The following KCNH8 variants were observed in gnomAD, a reference collection of about 807,000 sequenced individuals.
The protein encoded by KCNH8 is potassium voltage-gated channel subfamily H member 8.
Under a neutral mutation model 103.6 loss-of-function variants are expected in KCNH8, and 70 were observed. The ratio of observed to expected loss-of-function variants is 0.68; its 90% CI spans 0.56 to 0.82. The LOEUF (loss-of-function observed/expected upper bound fraction) is 0.82, where lower values mean the gene tolerates loss of function less well. KCNH8 is among the 40% of genes least tolerant of loss of function. The pLI, the probability that KCNH8 is intolerant of heterozygous loss-of-function variation, is 0.00. For synonymous variants in KCNH8, 498 were observed against 489.4 expected (o/e 1.02, Z -0.23); for missense variants, 1,217 against 1,329.9 (o/e 0.92, Z 1.32).
chr3:19,245,577 C>T (rs1261333454), intron 1 of KCNH8, among the ~76,000 whole-genome samples: 1 of 152,096 alleles, frequency 6.6e-6, no homozygotes, highest in African/African-American at 2.4e-5. Flanking sequence ...TTTTTCAATC[C>T]ATGAGCATGG....
intron 3 of KCNH8, among the ~76,000 whole-genome samples, chr3:19,332,378 A>G (rs984850396): frequency 2.0e-5 from 3 of 152,184 alleles, no homozygotes; most frequent in Non-Finnish European, 4.4e-5. Context: ...TCCACTGGAC[A>G]TAATGCCCTG....
At chr3:19,215,814 G>A (rs2063812824) in intron 1 of KCNH8, among the ~76,000 whole-genome samples, 1 of 152,214 alleles carries the variant, frequency 6.6e-6, no homozygotes, top group South Asian at 2.1e-4. Context: ...ACGTCAGAAA[G>A]GTGATTACAC....
chr3:19,355,887 T>C (rs1468911138), intron 5 of KCNH8, among the ~76,000 whole-genome samples: 1 of 150,244 alleles, frequency 6.7e-6, no homozygotes, highest in East Asian at 2.0e-4. Context: ...TATAATAAAA[T>C]ATATATATAT....
intron 7 of KCNH8, among the ~76,000 whole-genome samples, chr3:19,402,652 C>G (rs1038994856): frequency 6.6e-6 from 1 of 151,932 alleles, no homozygotes; most frequent in African/African-American, 2.4e-5. Context: ...TTCGTGTTCT[C>G]CACGATACTG....
chr3:19,431,930 A>AT (rs1353659947), intron 7 of KCNH8, among the ~76,000 whole-genome samples: 1 of 151,344 alleles, frequency 6.6e-6, no homozygotes, highest in Non-Finnish European at 1.5e-5. Flanking sequence ...TATTTTATTA[A>AT]TTTTTTCAAA....
intron 5 of KCNH8, among the ~76,000 whole-genome samples, chr3:19,376,206 C>T (rs181408956): frequency 0.022 from 3,338 of 152,288 alleles, 65 homozygotes; most frequent in Non-Finnish European, 0.035. Flanking sequence ...GCCTCGCTGC[C>T]GCCTTGCAGT....
chr3:19,234,177 A>G (rs1003395675), intron 1 of KCNH8, among the ~76,000 whole-genome samples: 1 of 152,164 alleles, frequency 6.6e-6, no homozygotes, highest in Non-Finnish European at 1.5e-5. Context: ...CTAGACACAA[A>G]GGTTCTCCAC....
chr3:19,156,349 G>A (rs1209845023), intron 1 of KCNH8, among the ~76,000 whole-genome samples: 2 of 152,100 alleles, frequency 1.3e-5, no homozygotes, highest in Non-Finnish European at 2.9e-5. Context: ...ATATCATACT[G>A]CCTCTAAAAT....
At chr3:19,350,541 G>A (rs373854062) in intron 5 of KCNH8, among the ~76,000 whole-genome samples, 31 of 152,226 alleles carry the variant, frequency 2.0e-4, no homozygotes, top group East Asian at 7.8e-4. Context: ...CCAGAGGAAG[G>A]ATCAGGCAGC....
At chr3:19,357,589 G>C (rs909600547) in intron 5 of KCNH8, among the ~76,000 whole-genome samples, 3 of 151,660 alleles carry the variant, frequency 2.0e-5, no homozygotes, top group Non-Finnish European at 2.9e-5. Flanking sequence ...TTTACATCTT[G>C]TCATTTTACT....
At chr3:19,455,023 C>A (rs1201553163) in intron 10 of KCNH8, among the ~76,000 whole-genome samples, 1 of 152,050 alleles carries the variant, frequency 6.6e-6, no homozygotes, top group Non-Finnish European at 1.5e-5. Flanking sequence ...TGACATTATA[C>A]TTGACCTGTA....
At chr3:19,241,526 A>G (rs2064141168) in intron 1 of KCNH8, among the ~76,000 whole-genome samples, 1 of 152,198 alleles carries the variant, frequency 6.6e-6, no homozygotes. Flanking sequence ...ACTTAGGTCT[A>G]AAAGGTGCTC....
At chr3:19,487,044 T>C (rs1334143029) in intron 11 of KCNH8, among the ~76,000 whole-genome samples, 2 of 152,140 alleles carry the variant, frequency 1.3e-5, no homozygotes, top group African/African-American at 4.8e-5. Context: ...AGAAGGTCGT[T>C]CATGTACAAA....
At chr3:19,330,559 C>T (rs370468379) in intron 3 of KCNH8, among the ~76,000 whole-genome samples, 2 of 152,286 alleles carry the variant, frequency 1.3e-5, no homozygotes, top group South Asian at 4.1e-4. Context: ...ATATTGGGAG[C>T]ATCAAGTTAT....
At chr3:19,369,506 C>T (rs564003267) in intron 5 of KCNH8, among the ~76,000 whole-genome samples, 176 of 152,118 alleles carry the variant, frequency 1.2e-3, no homozygotes, top group Non-Finnish European at 1.9e-3. Context: ...GAGATTGTTT[C>T]GCCACCTAGC....
chr3:19,521,750 TAACTA>T (rs1376583519), intron 15 of KCNH8, among the ~76,000 whole-genome samples: 9 of 151,918 alleles, frequency 5.9e-5, no homozygotes, highest in African/African-American at 9.7e-5. Flanking sequence ...CATCTTATCT[TAACTA>T]GTTTGATTGT....
At chr3:19,456,126 A>C (rs963405652) in intron 10 of KCNH8, among the ~76,000 whole-genome samples, 2 of 152,072 alleles carry the variant, frequency 1.3e-5, no homozygotes, top group African/African-American at 4.8e-5. Context: ...CCTAGTGTCT[A>C]TAAATATAGA....
Position 19,347,772 on chromosome 3 carries a change from T to C in KCNH8, c.618T>C (p.Asp206=). The change falls in exon 5 of 16, where the codon GAT becomes GAC. Residue 206 remains aspartate, a synonymous_variant. Transcript: ENST00000328405. ...KPAFPEYKVS[D]AKKSKFILLH... is the part of the protein sequence containing the mutation. Reference sequence around the variant, plus strand: ...CATTTCCGGAGTATAAAGTTTCTGATGCAAAAAAGTCCAAATTCATACTTC... The same window carrying C: ...CATTTCCGGAGTATAAAGTTTCTGACGCAAAAAAGTCCAAATTCATACTTC... 6.2e-7 allele frequency: 1 copy of C among 1,613,220 alleles called. No homozygotes were observed. The highest frequency in any genetic ancestry group is 8.5e-7 in the Non-Finnish European group (1 of 1,179,406).
chr3:19,405,131 G>C (rs190788700), intron 7 of KCNH8, among the ~76,000 whole-genome samples: 144 of 151,898 alleles, frequency 9.5e-4, no homozygotes, highest in Non-Finnish European at 1.6e-3. Context: ...GAGACTTTTT[G>C]TCCAGTTCAT....
Sources: gnomAD v4.1 joint callset for allele counts (sites outside exome capture counted in the v4.1 genomes callset) on GRCh38, gnomAD v4.1.1 for gene constraint, MANE v1.5 for transcripts, NCBI Gene and HGNC (gene_info 2026-07-23, HGNC 2026-07-21) for gene names.